The following PTPN13 variants were observed in gnomAD, a reference collection of about 807,000 sequenced individuals.
The protein encoded by PTPN13 is protein tyrosine phosphatase non-receptor type 13.
Under a neutral mutation model 284.0 loss-of-function variants are expected in PTPN13, and 191 were observed. That is an observed-to-expected ratio of 0.67 (90% CI 0.60 to 0.76). The LOEUF is 0.76. Among genes scored for constraint, PTPN13 ranks in the 30% least tolerant of loss-of-function variants. PTPN13 has a pLI of 0.00. For synonymous variants in PTPN13, 986 were observed against 1,022.3 expected, an observed-to-expected ratio of 0.96 and a Z score of 0.68; for missense variants, 2,797 against 2,939.9, an observed-to-expected ratio of 0.95 and a Z score of 1.12.
At chr4:86,621,675 T>G (rs1384743566) in intron 1 of PTPN13, among the ~76,000 whole-genome samples, 1 of 152,178 alleles carries the variant, frequency 6.6e-6, no homozygotes, top group Non-Finnish European at 1.5e-5. Flanking sequence ...TGGGGATGTT[T>G]CAGAATATAG....
chr4:86,613,743 CT>C (rs1362251764), intron 1 of PTPN13, among the ~76,000 whole-genome samples: 1 of 151,672 alleles, frequency 6.6e-6, no homozygotes, highest in Non-Finnish European at 1.5e-5. Flanking sequence ...TATGTTAATT[CT>C]TTTTTGCATC....
intron 14 of PTPN13, 63 bp from the exon 15 acceptor site, chr4:86,735,530 GA>G (rs1735394085): frequency 6.4e-7 from 1 of 1,550,802 alleles, no homozygotes; most frequent in Non-Finnish European, 8.7e-7. Flanking sequence ...CTTTAAGATA[GA>G]AGGAAAAGGG....
intron 20 of PTPN13, 100 bp from the exon 21 acceptor site, chr4:86,758,160 C>A (rs1738212621): frequency 2.9e-6 from 2 of 681,054 alleles, no homozygotes; most frequent in African/African-American, 3.6e-5. Context: ...AGTGACTGAG[C>A]AATTAACACA....
rs890280793 is a variant in PTPN13, at chr4:86,812,117, C to T, written c.7362+1009C>T. ...CGAGGTCAGGAGATCGAGACCATCC[C>T]GGCTAAAACGGTGAAACCCCGTCTC... On this transcript the variant is annotated intron_variant, in intron 47 of 47. Coordinates refer to ENST00000411767, the MANE Select transcript of PTPN13 (RefSeq NM_080683.3). Among the ~76,000 whole-genome samples the T allele has an allele frequency of 1.1e-3, 162 of 151,452 alleles. 1 individual carries two copies. The highest frequency in any genetic ancestry group is 3.8e-3 in the African/African-American group (155 of 41,308).
At chr4:86,765,059 C>T (rs1739140613) in intron 25 of PTPN13, among the ~76,000 whole-genome samples, 1 of 152,088 alleles carries the variant, frequency 6.6e-6, no homozygotes. Context: ...CTCTAACCTA[C>T]ATTATTAGTA....
rs1733775493 is a variant in PTPN13 at position 86,722,413 on chromosome 4, C to T, written c.1587C>T (p.Ala529=). ...DPLREIALET[A]MTQRKLRNFF... ...TAAGAGAAATTGCCCTAGAAACAGC[C>T]ATGACTCAAAGAAAACTGAGGGTAA... Residue 529 remains alanine, a synonymous_variant, in exon 10 of 48, where the codon GCC becomes GCT. Coordinates refer to ENST00000411767, the MANE Select transcript of PTPN13 (RefSeq NM_080683.3). 6.2e-7 allele frequency: 1 copy of T among 1,612,958 alleles called. No homozygotes were observed. Among genetic ancestry groups the T allele is most frequent in the Non-Finnish European group, 8.5e-7 (1 of 1,179,192 alleles).
chr4:86,625,411 A>T (rs901658143), intron 1 of PTPN13, among the ~76,000 whole-genome samples: 5 of 152,016 alleles, frequency 3.3e-5, no homozygotes, highest in Admixed American at 6.6e-5. Context: ...CCTTGGAATC[A>T]TTTCTAAAAT....
At chr4:86,810,091 A>G (rs1745062977) in intron 46 of PTPN13, 107 bp downstream of exon 46, 1 of 799,312 alleles carries the variant, frequency 1.3e-6, no homozygotes, top group Non-Finnish European at 1.9e-6. Flanking sequence ...ATGAGTTTAT[A>G]TGACTGCCTT....
intron 7 of PTPN13, among the ~76,000 whole-genome samples, chr4:86,708,508 A>G (rs994534173): frequency 1.1e-4 from 16 of 152,210 alleles, no homozygotes; most frequent in African/African-American, 2.9e-4. Context: ...CAGAAATAAT[A>G]TGTTCCTTTA....
chr4:86,707,678 G>C (rs568597082), intron 7 of PTPN13, among the ~76,000 whole-genome samples: 1 of 152,016 alleles, frequency 6.6e-6, no homozygotes, highest in South Asian at 2.1e-4. Flanking sequence ...TCTAAAACTA[G>C]TATTTCTTTA....
At chr4:86,630,215 A>G (rs1426988063) in intron 1 of PTPN13, among the ~76,000 whole-genome samples, 4 of 152,336 alleles carry the variant, frequency 2.6e-5, no homozygotes, top group Non-Finnish European at 4.4e-5. Flanking sequence ...ATACAATTAA[A>G]AGCCAATTTT....
chr4:86,720,997 C>T (rs1463991282), intron 9 of PTPN13, among the ~76,000 whole-genome samples: 5 of 151,914 alleles, frequency 3.3e-5, no homozygotes, highest in Admixed American at 1.3e-4. Context: ...TAAGTTTATA[C>T]GTAGTACATT....
chr4:86,789,629 G>A (rs147352996), intron 40 of PTPN13, among the ~76,000 whole-genome samples: 182 of 152,138 alleles, frequency 1.2e-3, no homozygotes, highest in African/African-American at 4.1e-3. Flanking sequence ...TGAGCACTAG[G>A]ATTGTAAAAT....
At chr4:86,619,739 G>C (rs904506492) in intron 1 of PTPN13, among the ~76,000 whole-genome samples, 2 of 151,924 alleles carry the variant, frequency 1.3e-5, no homozygotes, top group African/African-American at 2.4e-5. Flanking sequence ...CCTGCAATAA[G>C]CAAGTTCCTT....
chr4:86,779,807 T>G (rs1565560300), intron 35 of PTPN13, among the ~76,000 whole-genome samples: 1 of 152,208 alleles, frequency 6.6e-6, no homozygotes, highest in Non-Finnish European at 1.5e-5. Context: ...GCTATCTTTT[T>G]GGCTGTTTTG....
At chr4:86,669,236 A>G (rs1303459687) in intron 2 of PTPN13, among the ~76,000 whole-genome samples, 1 of 146,528 alleles carries the variant, frequency 6.8e-6, no homozygotes, top group East Asian at 2.0e-4. Flanking sequence ...TCTCCCCAAT[A>G]ATACTTTAGA....
rs1194839353 is a variant in PTPN13, at chr4:86,640,346, A to C, written c.115+4975A>C. Among the ~76,000 whole-genome samples, 4 of 152,212 alleles carry C rather than the reference A, an allele frequency of 2.6e-5. No homozygotes were observed. The East Asian group carries it at 7.7e-4, about 29-fold the overall frequency. On this transcript the variant is annotated intron_variant, in intron 2 of 47. Transcript: ENST00000411767. ...AATTGGAAAGTATAGACAGTCCAGA[A>C]TATACAGGATGTAGCTATACTCCAA... is the stretch of plus-strand genomic sequence containing the variant.
At chr4:86,624,721 C>T (rs111715404) in intron 1 of PTPN13, among the ~76,000 whole-genome samples, 9 of 151,982 alleles carry the variant, frequency 5.9e-5, no homozygotes, top group South Asian at 2.1e-4. Context: ...GAGGCTGAGG[C>T]GGGATTGCTT....
At position 86,769,943 on chromosome 4, in the gene PTPN13, T is replaced by G; in HGVS notation, c.4664T>G (p.Leu1555Trp). Residue 1555 changes from leucine to tryptophan, a missense_variant, in exon 29 of 48, where the codon TTG becomes TGG. By Grantham distance (61) the Leu-to-Trp change is moderately conservative. Transcript: ENST00000411767. ...SGKIDVGDVI[L>W]KVNGASLKGL... ...AAAATTGATGTAGGAGATGTTATCT[T>G]GAAAGTGAATGGAGCCTCTTTGAAA... 1 of 1,613,968 alleles carries G rather than the reference T, an allele frequency of 6.2e-7. No individual in the cohort carries two copies. The highest frequency in any genetic ancestry group is 8.5e-7 in the Non-Finnish European group (1 of 1,179,874).
Sources: gnomAD v4.1 joint callset for allele counts (sites outside exome capture counted in the v4.1 genomes callset) on GRCh38, gnomAD v4.1.1 for gene constraint, MANE v1.5 for transcripts, NCBI Gene and HGNC (gene_info 2026-07-23, HGNC 2026-07-21) for gene names.